ZNF57: variants seen among roughly 807,000 people sequenced by gnomAD.
The protein encoded by ZNF57 is zinc finger protein 57, also known as zinc finger protein 424.
ZNF57 carries 11 observed loss-of-function variants against 13.4 expected under a neutral mutation model. The observed-to-expected ratio is 0.82, with a 90% confidence interval of 0.52 to 1.36. ZNF57 has a LOEUF of 1.36. ZNF57 is among the 40% of genes most tolerant of loss of function. The pLI, the probability that ZNF57 is intolerant of heterozygous loss-of-function variation, is 0.00. For missense variants in ZNF57, 696 were observed against 667.5 expected (o/e 1.04, Z -0.47); for synonymous variants, 224 against 238.5 (o/e 0.94, Z 0.56).
At chr19:2,914,695 G>A (rs573709918) in intron 1 of ZNF57, among the ~76,000 whole-genome samples, 1 of 152,270 alleles carries the variant, frequency 6.6e-6, no homozygotes, top group East Asian at 1.9e-4. Flanking sequence ...TTCATCGCTC[G>A]ATTCCAGTGA....
At chr19:2,907,751 T>TAC (rs1448258762) in intron 1 of ZNF57, among the ~76,000 whole-genome samples, 9 of 152,242 alleles carry the variant, frequency 5.9e-5, no homozygotes, top group African/African-American at 2.2e-4. Context: ...TCTCACTCTG[T>TAC]TGCCCAGACT....
intron 1 of ZNF57, among the ~76,000 whole-genome samples, chr19:2,909,125 T>C (rs927650921): frequency 3.9e-5 from 6 of 152,096 alleles, no homozygotes; most frequent in African/African-American, 1.4e-4. Context: ...TTCCACCTTT[T>C]GGCTATTGTG....
intron 2 of ZNF57, chr19:2,915,871 T>C: frequency 1.1e-6 from 1 of 913,166 alleles, no homozygotes; most frequent in South Asian, 1.5e-5. Context: ...GTGTCATTAG[T>C]AGGGGTATAG....
At position 2,918,220 on chromosome 19, in the gene ZNF57, A is replaced by C. The variant is rs144078342; in HGVS notation, c.1599A>C (p.Glu533Asp). 461 of 1,614,126 alleles carry C rather than the reference A, an allele frequency of 2.9e-4. No homozygotes were observed. Among genetic ancestry groups the C allele is most frequent in the Non-Finnish European group, 3.7e-4 (440 of 1,179,992 alleles). Residue 533 changes from glutamate to aspartate, a missense_variant, in exon 4 of 4, where the codon GAA (glutamate) becomes GAC (aspartate). By Grantham distance (45) the Glu-to-Asp change is conservative. Transcript: ENST00000306908. Reference sequence around the variant, plus strand: ...TGCACACAGGACAGAAATCCCACGAATGTCAGTCATACTCAAAAGCCTTCA... The same window carrying C: ...TGCACACAGGACAGAAATCCCACGACTGTCAGTCATACTCAAAAGCCTTCA... ...LRMHTGQKSH[E>D]CQSYSKAFSC...
At chr19:2,910,546 C>T (rs1477175315) in intron 1 of ZNF57, among the ~76,000 whole-genome samples, 2 of 94,658 alleles carry the variant, frequency 2.1e-5, no homozygotes, top group African/African-American at 6.8e-5. Context: ...CTGCAAGCGC[C>T]GCCTCCTGGG....
At chr19:2,914,594 T>G (rs551389622) in intron 1 of ZNF57, among the ~76,000 whole-genome samples, 25 of 152,348 alleles carry the variant, frequency 1.6e-4, no homozygotes, top group Admixed American at 5.2e-4. Flanking sequence ...AATGAAACCT[T>G]TCAGTTGTTT....
chr19:2,901,073 C>A, intron 1 of ZNF57, 25 bp downstream of exon 1: 1 of 1,551,322 alleles, frequency 6.4e-7, no homozygotes, highest in East Asian at 2.4e-5. Context: ...GGAGCAGAGC[C>A]AGGGGACGGT....
intron 1 of ZNF57, among the ~76,000 whole-genome samples, chr19:2,913,649 C>T (rs1224400615): frequency 6.6e-6 from 1 of 151,416 alleles, no homozygotes; most frequent in Non-Finnish European, 1.5e-5. Context: ...GGTCAGAGAA[C>T]ATACTTATTT....
intron 3 of ZNF57, 67 bp from the exon 4 acceptor site, chr19:2,916,857 T>C: frequency 7.4e-7 from 1 of 1,352,122 alleles, no homozygotes; most frequent in Non-Finnish European, 1.0e-6. Flanking sequence ...TTCTAATACT[T>C]GTTAATACAT....
rs139501492 is a variant in ZNF57, at chr19:2,916,102, A to G, written c.155A>G (p.Asn52Ser). 1.6e-4 allele frequency: 262 copies of G among 1,610,968 alleles called. No individual in the cohort carries two copies. The African/African-American group carries it at 2.9e-3, about 18-fold the overall frequency. The change falls in exon 3 of 4, where the codon AAT (asparagine) becomes AGT (serine). Residue 52 changes from asparagine to serine, a missense_variant. Asn to Ser is a conservative substitution (Grantham distance 46). Around this residue, in one of 3 missense-constraint regions of ZNF57, gnomAD observed 8 missense variants for 22.4 expected, o/e 0.36. Transcript: ENST00000306908. ...GATGATGGGACTCAATTTAAAGCCA[A>G]TGGGTCAGTTTCTCTGCAGGATATG... ...SVDDGTQFKA[N>S]GSVSLQDMYG...
At chr19:2,903,102 G>C (rs1408451494) in intron 1 of ZNF57, among the ~76,000 whole-genome samples, 6 of 152,242 alleles carry the variant, frequency 3.9e-5, no homozygotes, top group Non-Finnish European at 8.8e-5. Flanking sequence ...TGAGGCTGCT[G>C]AGCATGGGAA....
chr19:2,918,470 A>C lies in ZNF57; in HGVS notation c.*181A>C. 1.5e-6 allele frequency: 1 copy of C among 655,660 alleles called. No individual in the cohort carries two copies. The highest frequency in any genetic ancestry group is 2.8e-5 in the East Asian group (1 of 35,272). The allele number at this position is 655,660 out of a possible 1,614,324, so 40.6% of individuals were successfully genotyped here. ...TTTCAAAAATAAATGTTTATGTGAGAAAATAATTCTCTAAGTCCTCTTTCA... is the reference window on the plus strand; with the variant it reads ...TTTCAAAAATAAATGTTTATGTGAGCAAATAATTCTCTAAGTCCTCTTTCA... On this transcript the variant is annotated 3_prime_UTR_variant, in exon 4 of 4. Coordinates refer to ENST00000306908, the MANE Select transcript of ZNF57 (RefSeq NM_173480.3).
intron 1 of ZNF57, among the ~76,000 whole-genome samples, chr19:2,905,526 C>G (rs944375532): frequency 6.7e-6 from 1 of 149,838 alleles, no homozygotes; most frequent in African/African-American, 2.4e-5. Flanking sequence ...GTCCCTCTAC[C>G]GGCGGAGGCG....
At position 2,915,874 on chromosome 19, in the gene ZNF57, G is replaced by A. The variant is rs578164388; in HGVS notation, c.131-204G>A. ...GAAGTTCCTTTAGTGTCATTAGTAG[G>A]GGTATAGATTTCACTGGTCATTTAG... On this transcript the variant is annotated intron_variant, in intron 2 of 3. Coordinates refer to ENST00000306908, the MANE Select transcript of ZNF57 (RefSeq NM_173480.3). 1,486 of 906,070 alleles carry A rather than the reference G, an allele frequency of 1.6e-3. 1 individual carries two copies. Among genetic ancestry groups the A allele is most frequent in the Non-Finnish European group, 2.2e-3 (1,255 of 582,028 alleles). 56.1% of individuals were successfully genotyped at this position (906,070 alleles called of 1,614,324 possible).
Position 2,917,980 on chromosome 19 carries a change from T to G in ZNF57, c.1359T>G (p.Cys453Trp). Residue 453 changes from cysteine to tryptophan, a missense_variant, in exon 4 of 4, where the codon TGT becomes TGG. By Grantham distance (215) the Cys-to-Trp change is radical (BLOSUM62 -2). Around this residue, in one of 3 missense-constraint regions of ZNF57, gnomAD observed 645 missense variants for 591.5 expected, o/e 1.09. Coordinates refer to ENST00000306908, the MANE Select transcript of ZNF57 (RefSeq NM_173480.3). The part of the protein sequence containing the change: ...TQEQLHKCEH[C>W]GKAFTSSRAF... Reference sequence around the variant, plus strand: ...AGCAGCTCCATAAATGTGAACACTGTGGGAAGGCCTTTACCTCTTCCAGAG... The same window carrying G: ...AGCAGCTCCATAAATGTGAACACTGGGGGAAGGCCTTTACCTCTTCCAGAG... 6.2e-7 allele frequency: 1 copy of G among 1,613,768 alleles called. No individual in the cohort carries two copies. Among genetic ancestry groups the G allele is most frequent in the Non-Finnish European group, 8.5e-7 (1 of 1,179,884 alleles).
chr19:2,915,749 C>A, intron 2 of ZNF57, 101 bp downstream of exon 2: 2 of 1,549,116 alleles, frequency 1.3e-6, no homozygotes, highest in South Asian at 1.1e-5. Flanking sequence ...CTAAGACAGA[C>A]ATGTTCACAG....
Position 2,915,582 on chromosome 19 carries a change from G to T in ZNF57, c.64G>T (p.Asp22Tyr), listed in dbSNP as rs146287403. Reference protein sequence around the residue: ...DFTLEEWALLDSAQRDLYRDV... With the variant: ...DFTLEEWALLYSAQRDLYRDV... ...CACCCTGGAGGAGTGGGCTTTGCTG[G>T]ATTCTGCTCAGAGGGACCTCTACAG... Residue 22 changes from aspartate (D) to tyrosine (Y), a missense_variant, in exon 2 of 4, where the codon GAT becomes TAT. Asp to Tyr is a radical substitution (Grantham distance 160). This residue lies in a region of ZNF57 where 43 missense variants were observed against 53.5 expected (regional missense o/e 0.80). Transcript: ENST00000306908. 3.2e-5 allele frequency: 52 copies of T among 1,614,062 alleles called. No individual in the cohort carries two copies. In the African/African-American group the frequency reaches 6.7e-4, roughly 21 times the overall value.
At chr19:2,901,178 G>A in intron 1 of ZNF57, 130 bp downstream of exon 1, 2 of 1,265,820 alleles carry the variant, frequency 1.6e-6, no homozygotes, top group South Asian at 3.4e-5. Context: ...CTAGCACCTG[G>A]GACCCGGGGA....
At chr19:2,905,671 T>A (rs192818451) in intron 1 of ZNF57, among the ~76,000 whole-genome samples, 2 of 147,756 alleles carry the variant, frequency 1.4e-5, no homozygotes, top group African/African-American at 2.5e-5. Context: ...AGGCTGAGGC[T>A]GGAGAATGGC....
Sources: gnomAD v4.1 joint callset for allele counts (sites outside exome capture counted in the v4.1 genomes callset) on GRCh38, gnomAD v4.1.1 for gene constraint, gnomAD v4.1.1 regional missense constraint, MANE v1.5 for transcripts, NCBI Gene and HGNC (gene_info 2026-07-23, HGNC 2026-07-21) for gene names.